Variants in DOCK1 observed in about 807,000 individuals in gnomAD.
DOCK1 encodes dedicator of cytokinesis protein 1.
A neutral mutation model predicts 262.7 loss-of-function variants in DOCK1; 138 were observed. The observed-to-expected ratio is 0.53, with a 90% confidence interval of 0.46 to 0.61. DOCK1 has a LOEUF of 0.61. Among genes scored for constraint, DOCK1 ranks in the 20% least tolerant of loss-of-function variants. The pLI, the probability that DOCK1 is intolerant of heterozygous loss-of-function variation, is 0.00. For missense variants in DOCK1, 1,908 were observed against 2,370.7 expected, an observed-to-expected ratio of 0.80 and a Z score of 4.05; for synonymous variants, 866 against 867.4, an observed-to-expected ratio of 1.00 and a Z score of 0.03.
intron 29 of DOCK1, among the ~76,000 whole-genome samples, chr10:127,303,548 C>T (rs2061764448): frequency 6.6e-6 from 1 of 151,832 alleles, no homozygotes; most frequent in Non-Finnish European, 1.5e-5. Context: ...AAAGGTTGGC[C>T]AGGCATGGGT....
chr10:127,169,505 A>C (rs924587207), intron 27 of DOCK1, among the ~76,000 whole-genome samples: 1 of 152,218 alleles, frequency 6.6e-6, no homozygotes, highest in Admixed American at 6.5e-5. Flanking sequence ...TGTATTTACA[A>C]ACCATATATC....
intron 27 of DOCK1, among the ~76,000 whole-genome samples, chr10:127,205,312 C>T (rs530968251): frequency 3.1e-4 from 47 of 152,328 alleles, no homozygotes; most frequent in African/African-American, 1.1e-3. Context: ...GCTTTCTCTG[C>T]TTCCGACTCC....
chr10:127,005,667 G>A (rs778773156), intron 10 of DOCK1, among the ~76,000 whole-genome samples: 84 of 152,132 alleles, frequency 5.5e-4, no homozygotes, highest in Non-Finnish European at 1.2e-4. Flanking sequence ...TTATGGAAAA[G>A]TGTAGTTAAA....
chr10:126,943,167 C>A (rs997863427), intron 1 of DOCK1, among the ~76,000 whole-genome samples: 1 of 151,152 alleles, frequency 6.6e-6, no homozygotes, highest in African/African-American at 2.4e-5. Flanking sequence ...GCAGGAGAAT[C>A]ATTTGAACGT....
At chr10:126,948,816 C>T (rs1338689995) in intron 1 of DOCK1, among the ~76,000 whole-genome samples, 6 of 152,056 alleles carry the variant, frequency 3.9e-5, no homozygotes, top group African/African-American at 1.4e-4. Flanking sequence ...CCATCCTCTC[C>T]CTCAAAGGGA....
In DOCK1 at chr10:127,170,222, T is replaced by G. The variant is rs77658889; in HGVS notation, c.2847+42458T>G. Among the ~76,000 whole-genome samples the G allele has an allele frequency of 2.8e-4, 43 of 152,270 alleles. 1 individual carries two copies. Among genetic ancestry groups the G allele is most frequent in the Non-Finnish European group, 5.6e-4 (38 of 68,032 alleles). On this transcript the variant is annotated intron_variant, in intron 27 of 51. Coordinates refer to ENST00000623213, the MANE Select transcript of DOCK1 (RefSeq NM_001290223.2). ...TGGTGTGTTACTTAGGATTTTCTGT[T>G]TTTAATCATACTCTTGCCTTTGCTC...
In DOCK1 at chr10:126,944,677, G is replaced by T. The variant is rs992018451; in HGVS notation, c.47-26025G>T. Reference sequence around the variant, plus strand: ...GAGTGTCATTGCTAGGGTGCCCTCGGCTCTGCAGGGCACGTATCAGTGGCG... The same window carrying T: ...GAGTGTCATTGCTAGGGTGCCCTCGTCTCTGCAGGGCACGTATCAGTGGCG... On this transcript the variant is annotated intron_variant, in intron 1 of 51. Coordinates refer to ENST00000623213, the MANE Select transcript of DOCK1 (RefSeq NM_001290223.2). Among the ~76,000 whole-genome samples, 253 of 152,206 alleles carry T rather than the reference G, an allele frequency of 1.7e-3. 2 individuals are homozygous for T. The highest frequency in any genetic ancestry group is 5.9e-3 in the African/African-American group (245 of 41,526).
At chr10:127,226,441 C>T (rs553797099) in intron 27 of DOCK1, among the ~76,000 whole-genome samples, 38 of 152,146 alleles carry the variant, frequency 2.5e-4, no homozygotes, top group African/African-American at 9.1e-4. Flanking sequence ...TCTGCCCAGC[C>T]CCCATAAATA....
At chr10:126,936,611 C>T (rs920995860) in intron 1 of DOCK1, among the ~76,000 whole-genome samples, 15 of 152,122 alleles carry the variant, frequency 9.9e-5, no homozygotes, top group South Asian at 2.1e-4. Flanking sequence ...GTTTGCCCAC[C>T]TCTGGTATTG....
Position 127,451,372 on chromosome 10 carries a change from C to T in DOCK1, c.5606C>T (p.Pro1869Leu). The change falls in exon 52 of 52, where the codon CCC becomes CTC. Residue 1869 changes from proline (P) to leucine (L), a missense_variant. Pro to Leu is a moderately conservative substitution (Grantham distance 98). This residue lies in a region of DOCK1 where 383 missense variants were observed against 420.1 expected (regional missense o/e 0.91). Coordinates refer to ENST00000623213, the MANE Select transcript of DOCK1 (RefSeq NM_001290223.2). ...CTGCCCAGCAAAACTCCGCCTCCTC[C>T]CCCTCCAAAGACAACTCGCAAGCAG... is the stretch of plus-strand genomic sequence containing the variant. ...PPLPSKTPPPPPPKTTRKQAS... is the reference protein window; with the variant it reads ...PPLPSKTPPPLPPKTTRKQAS... 6.2e-7 allele frequency: 1 copy of T among 1,600,558 alleles called. No homozygotes were observed. Among genetic ancestry groups the T allele is most frequent in the Non-Finnish European group, 8.5e-7 (1 of 1,173,692 alleles).
chr10:126,949,728 A>T (rs1247841315), intron 1 of DOCK1, among the ~76,000 whole-genome samples: 4 of 152,282 alleles, frequency 2.6e-5, no homozygotes, highest in African/African-American at 7.2e-5. Flanking sequence ...TCACCTAAAA[A>T]GGACTTTGTG....
At chr10:127,124,380 G>A (rs139659934) in intron 25 of DOCK1, among the ~76,000 whole-genome samples, 386 of 152,316 alleles carry the variant, frequency 2.5e-3, no homozygotes, top group Admixed American at 4.5e-3. Flanking sequence ...AAGAATGGCT[G>A]GGCTAGTGTC....
intron 1 of DOCK1, among the ~76,000 whole-genome samples, chr10:126,908,576 T>C (rs1261909623): frequency 6.6e-6 from 1 of 152,242 alleles, no homozygotes; most frequent in Non-Finnish European, 1.5e-5. Flanking sequence ...TTCAGTTGTA[T>C]ATTTATTTTG....
At chr10:127,378,476 C>T (rs117753155) in intron 35 of DOCK1, among the ~76,000 whole-genome samples, 31 of 152,094 alleles carry the variant, frequency 2.0e-4, no homozygotes, top group Non-Finnish European at 4.0e-4. Context: ...TGAACCTTTA[C>T]GTAAGAAACA....
intron 32 of DOCK1, among the ~76,000 whole-genome samples, chr10:127,361,389 C>T (rs899264724): frequency 3.9e-5 from 6 of 152,154 alleles, no homozygotes; most frequent in Non-Finnish European, 5.9e-5. Context: ...GCTGGGATTA[C>T]AGGCGTGAGC....
intron 49 of DOCK1, among the ~76,000 whole-genome samples, chr10:127,439,500 G>A (rs1246737476): frequency 1.3e-5 from 2 of 152,220 alleles, no homozygotes; most frequent in Non-Finnish European, 2.9e-5. Context: ...CTGCCGCTCT[G>A]TTGGACTTGT....
intron 27 of DOCK1, among the ~76,000 whole-genome samples, chr10:127,229,794 G>A (rs1291862513): frequency 1.3e-5 from 2 of 152,134 alleles, no homozygotes; most frequent in East Asian, 1.9e-4. Flanking sequence ...TTAATTTTTC[G>A]AGGACCCTCC....
intron 35 of DOCK1, among the ~76,000 whole-genome samples, chr10:127,376,346 T>C (rs767955873): frequency 6.6e-6 from 1 of 152,214 alleles, no homozygotes; most frequent in Non-Finnish European, 1.5e-5. Flanking sequence ...AAAATCTGAA[T>C]GTTTGCAGAT....
chr10:126,907,648 A>G (rs2133985864), intron 1 of DOCK1, among the ~76,000 whole-genome samples: 2 of 152,240 alleles, frequency 1.3e-5, no homozygotes, highest in African/African-American at 4.8e-5. Context: ...GGATGGTGTC[A>G]GTTAGGATCC....
Sources: allele counts gnomAD v4.1 joint callset (sites outside exome capture counted in the v4.1 genomes callset), GRCh38; gene constraint gnomAD v4.1.1; regional missense constraint gnomAD v4.1.1; transcripts MANE v1.5; gene names NCBI Gene and HGNC (gene_info 2026-07-23, HGNC 2026-07-21).